Variants in STARD8 observed in about 807,000 individuals in gnomAD.
STARD8 encodes stAR-related lipid transfer protein 8.
Under a neutral mutation model 69.4 loss-of-function variants are expected in STARD8, and 25 were observed. That is an observed-to-expected ratio of 0.36 (90% CI 0.26 to 0.50). The LOEUF (loss-of-function observed/expected upper bound fraction) is 0.50, where lower values mean the gene tolerates loss of function less well. Ranked by LOEUF, STARD8 falls within the 20% of genes least tolerant of loss-of-function variation. STARD8 has a pLI of 0.96. For missense variants in STARD8, 921 were observed against 932.5 expected (o/e 0.99, Z 0.16); for synonymous variants, 389 against 374.6 (o/e 1.04, Z -0.45).
Position 68,692,394 on chromosome X carries a change from T to G in STARD8, c.80-20520T>G, listed in dbSNP as rs139501958. Among the ~76,000 whole-genome samples, 229 of 112,227 alleles carry G rather than the reference T, an allele frequency of 2.0e-3. 2 individuals are homozygous for G. The highest frequency in any genetic ancestry group is 2.0e-3 in the Non-Finnish European group (104 of 53,220). On this transcript the variant is annotated intron_variant, in intron 2 of 14. Coordinates refer to ENST00000374599, the MANE Select transcript of STARD8 (RefSeq NM_001142503.3). ...GGAAGGAATGTGGGAGAATTTCAGT[T>G]TGGCCTAGTGAACTGAAAGCTAGAC...
chrX:68,658,117 T>A (rs1308216160), intron 1 of STARD8, among the ~76,000 whole-genome samples: 2 of 111,387 alleles, frequency 1.8e-5, no homozygotes, highest in Non-Finnish European at 1.9e-5. Flanking sequence ...CTAGCTAATA[T>A]TTGCACTTGA....
chrX:68,708,919 C>T (rs1034491886), intron 2 of STARD8, among the ~76,000 whole-genome samples: 1 of 111,486 alleles, frequency 9.0e-6, no homozygotes, highest in African/African-American at 3.3e-5. Context: ...TCCGGGCCAC[C>T]TGGGCTTCAG....
At chrX:68,724,147 G>A (rs1476794322) in intron 14 of STARD8, 26 bp downstream of exon 14, 1 of 1,200,484 alleles carries the variant, frequency 8.3e-7, no homozygotes, top group African/African-American at 1.7e-5. Context: ...CAGCCTGCTC[G>A]ACCCCCTTGG....
intron 9 of STARD8, among the ~76,000 whole-genome samples, 192 bp downstream of exon 9, chrX:68,721,314 A>G (rs73531946): frequency 0.13 from 14,647 of 111,418 alleles, 2,335 homozygotes; most frequent in African/African-American, 0.45. Flanking sequence ...TTATATGGAA[A>G]GGTAGACTGA....
At chrX:68,724,150 C>T (rs1365646118) in intron 14 of STARD8, 29 bp downstream of exon 14, 1 of 1,197,335 alleles carries the variant, frequency 8.4e-7, no homozygotes, top group Non-Finnish European at 1.1e-6. Flanking sequence ...CCTGCTCGAC[C>T]CCCTTGGCCT....
At chrX:68,663,149 G>T (rs1172293323) in intron 1 of STARD8, among the ~76,000 whole-genome samples, 1 of 111,965 alleles carries the variant, frequency 8.9e-6, no homozygotes, top group East Asian at 2.8e-4. Context: ...AACAAAAAGG[G>T]CCTTCACTTT....
intron 2 of STARD8, among the ~76,000 whole-genome samples, chrX:68,671,188 T>C (rs2079725799): frequency 8.9e-6 from 1 of 112,725 alleles, no homozygotes; most frequent in Non-Finnish European, 1.9e-5. Context: ...TCTTTCTTGC[T>C]TCCTTTCCCA....
intron 3 of STARD8, 69 bp downstream of exon 3, chrX:68,713,054 G>A (rs781402143): frequency 3.8e-6 from 4 of 1,045,869 alleles, no homozygotes; most frequent in African/African-American, 1.8e-5. Context: ...GTTAGATGGG[G>A]CAAGTCAGAT....
chrX:68,687,829 C>T (rs2079844567), intron 2 of STARD8, among the ~76,000 whole-genome samples: 1 of 111,914 alleles, frequency 8.9e-6, no homozygotes, highest in African/African-American at 3.2e-5. Context: ...AGCCTGGCTG[C>T]CCCTCCCTCC....
intron 2 of STARD8, among the ~76,000 whole-genome samples, chrX:68,711,365 A>G (rs2080049663): frequency 1.8e-5 from 2 of 111,391 alleles, no homozygotes; most frequent in Admixed American, 9.5e-5. Flanking sequence ...TCCCACAGTG[A>G]TCCTCATGAG....
At chrX:68,691,066 G>C (rs372768244) in intron 2 of STARD8, among the ~76,000 whole-genome samples, 3 of 111,517 alleles carry the variant, frequency 2.7e-5, no homozygotes, top group East Asian at 2.8e-4. Context: ...TACGTGGTCT[G>C]TGGGCATGGT....
chrX:68,706,246 C>T (rs1471374791), intron 2 of STARD8, among the ~76,000 whole-genome samples: 1 of 111,810 alleles, frequency 8.9e-6, no homozygotes, highest in African/African-American at 3.3e-5. Flanking sequence ...AATACAGAGG[C>T]CCTTCCTGCG....
chrX:68,687,773 T>C (rs950146494), intron 2 of STARD8, among the ~76,000 whole-genome samples: 24 of 112,052 alleles, frequency 2.1e-4, no homozygotes, highest in African/African-American at 6.5e-4. Context: ...GATCATTTCC[T>C]TGGGGGCCTG....
chrX:68,653,378 AC>A (rs2079584718), intron 1 of STARD8, among the ~76,000 whole-genome samples: 1 of 18,806 alleles, frequency 5.3e-5, no homozygotes. Flanking sequence ...CGCACACCAC[AC>A]CACACACACA....
chrX:68,653,236 A>C (rs2079577831), intron 1 of STARD8, among the ~76,000 whole-genome samples: 1 of 26,331 alleles, frequency 3.8e-5, no homozygotes, highest in Non-Finnish European at 7.5e-5. Flanking sequence ...ACCACACCAC[A>C]CACACACACC....
At chrX:68,722,264 C>A in intron 11 of STARD8, 103 bp downstream of exon 11, 1 of 848,749 alleles carries the variant, frequency 1.2e-6, no homozygotes, top group African/African-American at 2.0e-5. Context: ...TTGACACATA[C>A]CCCTCAAGCT....
intron 1 of STARD8, among the ~76,000 whole-genome samples, chrX:68,654,753 G>A (rs1013378668): frequency 9.0e-6 from 1 of 110,870 alleles, no homozygotes; most frequent in Non-Finnish European, 1.9e-5. Flanking sequence ...ACACACACTC[G>A]CAAGTGAGGT....
At chrX:68,715,494 A>G in intron 4 of STARD8, 119 bp downstream of exon 4, 1 of 586,314 alleles carries the variant, frequency 1.7e-6, no homozygotes, top group East Asian at 3.7e-5. Context: ...AACAAAGCTC[A>G]TCTTCTGTGG....
chrX:68,714,082 G>A (rs1343705348), intron 3 of STARD8, among the ~76,000 whole-genome samples: 1 of 112,078 alleles, frequency 8.9e-6, no homozygotes, highest in Non-Finnish European at 1.9e-5. Context: ...AGCCTGGTGT[G>A]ACCCAGTGTC....
Sources: allele counts gnomAD v4.1 joint callset (sites outside exome capture counted in the v4.1 genomes callset), GRCh38; gene constraint gnomAD v4.1.1; transcripts MANE v1.5; gene names NCBI Gene and HGNC (gene_info 2026-07-23, HGNC 2026-07-21).